Variants in ZFAT observed in about 807,000 individuals in gnomAD.
ZFAT encodes the protein zinc finger protein ZFAT.
A neutral mutation model predicts 117.7 loss-of-function variants in ZFAT; 64 were observed. That is an observed-to-expected ratio of 0.54 (90% CI 0.44 to 0.67). The LOEUF (loss-of-function observed/expected upper bound fraction) is 0.67. Among genes scored for constraint, ZFAT ranks in the 30% least tolerant of loss-of-function variants. The pLI is 0.00. For missense variants in ZFAT, 1,433 were observed against 1,584.5 expected (o/e 0.90, Z 1.62); for synonymous variants, 679 against 615.0 (o/e 1.10, Z -1.54).
chr8:134,577,054 G>A (rs1343606027), intron 10 of ZFAT, among the ~76,000 whole-genome samples: 1 of 152,186 alleles, frequency 6.6e-6, no homozygotes, highest in African/African-American at 2.4e-5. Flanking sequence ...GGGCAGAATC[G>A]TGTATAAACC....
chr8:134,543,165 C>A (rs1294396405), intron 11 of ZFAT, among the ~76,000 whole-genome samples: 2 of 151,948 alleles, frequency 1.3e-5, no homozygotes, highest in Non-Finnish European at 2.9e-5. Flanking sequence ...AGATGACCTG[C>A]CCACACCTCT....
chr8:134,659,735 C>A (rs1265568445), intron 1 of ZFAT, among the ~76,000 whole-genome samples: 1 of 151,952 alleles, frequency 6.6e-6, no homozygotes, highest in African/African-American at 2.4e-5. Flanking sequence ...TTTCTCTCCT[C>A]TTTACAGTAA....
At chr8:134,673,163 T>C (rs1268924389) in intron 1 of ZFAT, 1 of 152,278 alleles carries the variant, frequency 6.6e-6, no homozygotes, top group Non-Finnish European at 1.5e-5. Flanking sequence ...TCAACCCTTG[T>C]ACTGAATTCC....
intron 3 of ZFAT, among the ~76,000 whole-genome samples, chr8:134,613,533 C>G (rs1354317494): frequency 2.0e-5 from 3 of 152,166 alleles, no homozygotes; most frequent in African/African-American, 4.8e-5. Context: ...CCTCACCATT[C>G]CTACAGCTCC....
chr8:134,622,640 C>A (rs980369242), intron 3 of ZFAT, among the ~76,000 whole-genome samples: 1 of 152,154 alleles, frequency 6.6e-6, no homozygotes, highest in Non-Finnish European at 1.5e-5. Context: ...CGCCCCTCCC[C>A]CCTCTCCACC....
Position 134,577,222 on chromosome 8 carries a change from C to G in ZFAT, c.2887+6610G>C, listed in dbSNP as rs115919915. Among the ~76,000 whole-genome samples, 1,171 of 152,294 alleles carry G rather than the reference C, an allele frequency of 7.7e-3. 17 individuals carry two copies. The highest frequency in any genetic ancestry group is 0.027 in the African/African-American group (1,113 of 41,546). ...CAATTTCTCTCTTTGTACATATTGA[C>G]TGGCAAACTTTTTTAACTGAAACCT... On this transcript the variant is annotated intron_variant, in intron 10 of 15. Coordinates refer to ENST00000377838, the MANE Select transcript of ZFAT (RefSeq NM_020863.4).
At chr8:134,638,549 C>CAAAAATAA (rs1830373494) in intron 2 of ZFAT, among the ~76,000 whole-genome samples, 1 of 101,076 alleles carries the variant, frequency 9.9e-6, no homozygotes, top group Non-Finnish European at 2.1e-5. Context: ...ACTAAAAATA[C>CAAAAATAA]AAAAAAAAAA....
At chr8:134,802,710 T>C in the ZFAT span, among the ~76,000 whole-genome samples, 1 of 152,202 alleles carries the variant, frequency 6.6e-6, no homozygotes, top group Non-Finnish European at 1.5e-5. Flanking sequence ...TAAATATCAA[T>C]TGGTAGAACA....
chr8:134,630,724 C>A (rs1371347538), intron 3 of ZFAT, among the ~76,000 whole-genome samples: 1 of 152,162 alleles, frequency 6.6e-6, no homozygotes, highest in African/African-American at 2.4e-5. Context: ...AAAAAAATCT[C>A]TTTTCCTGGT....
At chr8:134,567,238 T>A (rs1041990077) in intron 10 of ZFAT, among the ~76,000 whole-genome samples, 3 of 152,170 alleles carry the variant, frequency 2.0e-5, no homozygotes, top group African/African-American at 7.2e-5. Flanking sequence ...ATCACCTACA[T>A]CAGATACCCA....
upstream of ZFAT, among the ~76,000 whole-genome samples, chr8:134,713,313 T>C (rs546636681): frequency 1.3e-5 from 2 of 152,346 alleles, no homozygotes; most frequent in East Asian, 1.9e-4. Flanking sequence ...ACCCGCGGCA[T>C]GTGGGGCCGC....
chr8:134,831,904 G>T, the ZFAT span, among the ~76,000 whole-genome samples: 2 of 151,986 alleles, frequency 1.3e-5, no homozygotes, highest in African/African-American at 2.4e-5. Flanking sequence ...TCAGCGCCCC[G>T]GAAGGGGGTC....
At chr8:134,823,252 T>C in the ZFAT span, among the ~76,000 whole-genome samples, 1 of 152,174 alleles carries the variant, frequency 6.6e-6, no homozygotes, top group Non-Finnish European at 1.5e-5. Flanking sequence ...ACTGAAACAG[T>C]TGCCAGTCTA....
the ZFAT span, chr8:134,785,413 G>C: frequency 1.3e-5 from 2 of 151,938 alleles, no homozygotes; most frequent in Non-Finnish European, 2.9e-5. Context: ...TTCCCACTTT[G>C]AGTCACATCC....
intron 1 of ZFAT, among the ~76,000 whole-genome samples, chr8:134,705,617 C>T (rs1235914227): frequency 6.6e-6 from 1 of 151,744 alleles, no homozygotes; most frequent in Non-Finnish European, 1.5e-5. Flanking sequence ...GCAACCTCTA[C>T]TCCCAGGTTC....
At chr8:134,563,798 G>A (rs375087930) in intron 11 of ZFAT, among the ~76,000 whole-genome samples, 1 of 152,172 alleles carries the variant, frequency 6.6e-6, no homozygotes, top group African/African-American at 2.4e-5. Context: ...TGCTGGTGTA[G>A]GGTCGCCCAG....
intron 14 of ZFAT, among the ~76,000 whole-genome samples, chr8:134,512,126 C>T (rs575510040): frequency 6.6e-6 from 1 of 152,212 alleles, no homozygotes; most frequent in African/African-American, 2.4e-5. Context: ...AACCATTAAC[C>T]ATTAGCCAAC....
At chr8:134,669,776 C>T (rs1433891366) in intron 1 of ZFAT, among the ~76,000 whole-genome samples, 1 of 152,210 alleles carries the variant, frequency 6.6e-6, no homozygotes, top group Non-Finnish European at 1.5e-5. Context: ...TATAAATGGG[C>T]TAAATGCTCC....
At chr8:134,610,710 T>G in intron 3 of ZFAT, 55 bp from the exon 4 acceptor site, 1 of 1,590,070 alleles carries the variant, frequency 6.3e-7, no homozygotes, top group Non-Finnish European at 8.6e-7. Context: ...GTGGCAGAGT[T>G]GGAGGGTAAA....
Sources: gnomAD v4.1 joint callset for allele counts (sites outside exome capture counted in the v4.1 genomes callset) on GRCh38, gnomAD v4.1.1 for gene constraint, MANE v1.5 for transcripts, NCBI Gene and HGNC (gene_info 2026-07-23, HGNC 2026-07-21) for gene names.